PCDH9: variants seen among roughly 807,000 people sequenced by gnomAD.
PCDH9 encodes the protein protocadherin-9.
A neutral mutation model predicts 70.6 loss-of-function variants in PCDH9; 24 were observed. The ratio of observed to expected loss-of-function variants is 0.34; its 90% CI spans 0.25 to 0.48. The LOEUF (loss-of-function observed/expected upper bound fraction) is 0.48. PCDH9 is among the 20% of genes least tolerant of loss of function. The pLI is 0.99. For synonymous variants in PCDH9, 562 were observed against 558.5 expected, an observed-to-expected ratio of 1.01 and a Z score of -0.09; for missense variants, 1,281 against 1,503.6, an observed-to-expected ratio of 0.85 and a Z score of 2.45.
intron 3 of PCDH9, among the ~76,000 whole-genome samples, chr13:66,846,401 C>CT (rs1257485929): frequency 6.6e-6 from 1 of 152,004 alleles, no homozygotes; most frequent in Non-Finnish European, 1.5e-5. Context: ...ATATGAATGC[C>CT]TTTTTTCACT....
At chr13:66,597,695 A>C (rs2077120232) in intron 4 of PCDH9, among the ~76,000 whole-genome samples, 1 of 151,832 alleles carries the variant, frequency 6.6e-6, no homozygotes, top group South Asian at 2.1e-4. Flanking sequence ...ATATGACACC[A>C]AAAGCATAGG....
At chr13:66,714,441 G>A (rs952170572) in intron 3 of PCDH9, among the ~76,000 whole-genome samples, 6 of 150,782 alleles carry the variant, frequency 4.0e-5, no homozygotes, top group African/African-American at 1.5e-4. Context: ...TCCAGCCTGG[G>A]TGACAGAGCA....
intron 2 of PCDH9, among the ~76,000 whole-genome samples, chr13:66,966,786 A>G (rs1231642311): frequency 6.6e-6 from 1 of 152,036 alleles, no homozygotes; most frequent in African/African-American, 2.4e-5. Context: ...ATCCAATAGA[A>G]TATTAAAAAA....
chr13:67,154,344 C>T (rs1029040669), intron 2 of PCDH9, among the ~76,000 whole-genome samples: 1 of 151,994 alleles, frequency 6.6e-6, no homozygotes, highest in Non-Finnish European at 1.5e-5. Context: ...AATTCCAGCA[C>T]TCTGGAAGGT....
At chr13:67,169,196 A>G (rs935556998) in intron 2 of PCDH9, among the ~76,000 whole-genome samples, 1 of 152,224 alleles carries the variant, frequency 6.6e-6, no homozygotes, top group Admixed American at 6.5e-5. Context: ...ATGGCACTTG[A>G]TATGAAAACC....
At chr13:66,836,918 G>A (rs1035158324) in intron 3 of PCDH9, among the ~76,000 whole-genome samples, 11 of 152,102 alleles carry the variant, frequency 7.2e-5, no homozygotes, top group African/African-American at 2.7e-4. Context: ...TCTACCAGAG[G>A]AATAACAGCG....
At chr13:66,925,231 T>C (rs1285571940) in intron 2 of PCDH9, among the ~76,000 whole-genome samples, 1 of 151,912 alleles carries the variant, frequency 6.6e-6, no homozygotes, top group Non-Finnish European at 1.5e-5. Context: ...CTAAATATTC[T>C]TTGTTCAAGC....
At chr13:66,869,728 T>G (rs923162148) in intron 3 of PCDH9, among the ~76,000 whole-genome samples, 2 of 152,132 alleles carry the variant, frequency 1.3e-5, no homozygotes, top group Admixed American at 6.6e-5. Context: ...CCACTTGAAT[T>G]TGAGAAACCT....
At chr13:66,885,924 G>A (rs1158934134) in intron 3 of PCDH9, 1 of 151,998 alleles carries the variant, frequency 6.6e-6, no homozygotes, top group African/African-American at 2.4e-5. Flanking sequence ...TTTCCTCCGT[G>A]TTTTCCATAT....
intron 2 of PCDH9, among the ~76,000 whole-genome samples, chr13:67,169,628 A>C (rs1226917334): frequency 4.6e-5 from 7 of 152,214 alleles, no homozygotes; most frequent in Non-Finnish European, 7.3e-5. Flanking sequence ...GTAGCTATCG[A>C]AACTGCTGAG....
chr13:66,934,362 A>G (rs2082868660), intron 2 of PCDH9, among the ~76,000 whole-genome samples: 1 of 151,892 alleles, frequency 6.6e-6, no homozygotes, highest in Admixed American at 6.6e-5. Context: ...TGAAACCCCG[A>G]AACCCCGTCT....
At chr13:66,346,471 A>G (rs1457461486) in intron 4 of PCDH9, among the ~76,000 whole-genome samples, 1 of 152,196 alleles carries the variant, frequency 6.6e-6, no homozygotes, top group Non-Finnish European at 1.5e-5. Flanking sequence ...CAACTTTGGC[A>G]TCTTTTCCCT....
chr13:67,104,200 T>C (rs1377989884), intron 2 of PCDH9, among the ~76,000 whole-genome samples: 2 of 152,190 alleles, frequency 1.3e-5, no homozygotes, highest in African/African-American at 4.8e-5. Context: ...TTAGGCTAGA[T>C]TTAACTGTGA....
intron 4 of PCDH9, among the ~76,000 whole-genome samples, chr13:66,590,175 T>C (rs1009323812): frequency 1.3e-5 from 2 of 151,990 alleles, no homozygotes; most frequent in Non-Finnish European, 2.9e-5. Context: ...ATTTGTTTCA[T>C]GTTGTTTTAA....
chr13:67,191,268 C>T (rs1040880898), intron 2 of PCDH9, among the ~76,000 whole-genome samples: 1 of 152,084 alleles, frequency 6.6e-6, no homozygotes, highest in African/African-American at 2.4e-5. Flanking sequence ...TGTGTCTCAA[C>T]ATAAATTCTT....
intron 4 of PCDH9, among the ~76,000 whole-genome samples, chr13:66,327,556 A>G (rs984876036): frequency 1.3e-5 from 2 of 152,208 alleles, no homozygotes; most frequent in African/African-American, 4.8e-5. Flanking sequence ...AATAAGCACT[A>G]TGTAAGTATG....
chr13:67,225,338 C>A, intron 2 of PCDH9, 67 bp downstream of exon 2: 1 of 1,490,534 alleles, frequency 6.7e-7, no homozygotes, highest in South Asian at 1.1e-5. Flanking sequence ...GACATACTGG[C>A]ACGTTAATAC....
At chr13:66,391,208 A>G (rs1292819382) in intron 4 of PCDH9, among the ~76,000 whole-genome samples, 3 of 152,218 alleles carry the variant, frequency 2.0e-5, no homozygotes, top group Non-Finnish European at 4.4e-5. Context: ...GTCCAATAGT[A>G]ACCACAATTT....
intron 2 of PCDH9, among the ~76,000 whole-genome samples, chr13:67,080,466 T>C (rs569978334): frequency 5.8e-4 from 88 of 152,302 alleles, no homozygotes; most frequent in African/African-American, 1.6e-3. Context: ...AAAATACTAT[T>C]GTGATGGATA....
Sources: gnomAD v4.1 joint callset for allele counts (sites outside exome capture counted in the v4.1 genomes callset) on GRCh38, gnomAD v4.1.1 for gene constraint, MANE v1.5 for transcripts, NCBI Gene and HGNC (gene_info 2026-07-23, HGNC 2026-07-21) for gene names.